MGAT4A: variants seen among roughly 807,000 people sequenced by gnomAD.
MGAT4A encodes N-acetylglucosaminyltransferase IVa.
Under a neutral mutation model 74.1 loss-of-function variants are expected in MGAT4A, and 33 were observed. The ratio of observed to expected loss-of-function variants is 0.45; its 90% CI spans 0.34 to 0.60. The LOEUF is 0.60. Ranked by LOEUF, MGAT4A falls within the 20% of genes least tolerant of loss-of-function variation. The pLI is 0.02. For synonymous variants in MGAT4A, 198 were observed against 210.4 expected, an observed-to-expected ratio of 0.94 and a Z score of 0.51; for missense variants, 479 against 628.3, an observed-to-expected ratio of 0.76 and a Z score of 2.54.
In MGAT4A at chr2:98,622,695, C is replaced by T; in HGVS notation, c.*2871G>A. On this transcript the variant is annotated 3_prime_UTR_variant, in exon 16 of 16. Transcript: ENST00000393487. ...ACTAACAGTGAGAGGCCCTGAGCAC[C>T]CACCATAGGAGAGGACAGATGAGCA... 1.0e-6 allele frequency: 1 copy of T among 985,636 alleles called. No individual in the cohort carries two copies. The highest frequency in any genetic ancestry group is 1.2e-6 in the Non-Finnish European group (1 of 830,118). The allele number at this position is 985,636 out of a possible 1,614,324, so 61.1% of individuals were successfully genotyped here.
intron 4 of MGAT4A, among the ~76,000 whole-genome samples, chr2:98,670,878 C>T (rs564397616): frequency 2.0e-5 from 3 of 152,304 alleles, no homozygotes; most frequent in Non-Finnish European, 4.4e-5. Flanking sequence ...TTAAATCTAA[C>T]TCAGATCTCT....
rs1401535515 is a variant in MGAT4A at position 98,624,425 on chromosome 2, A to C, written c.*1141T>G. 2 of 964,522 alleles carry C rather than the reference A, an allele frequency of 2.1e-6. No individual in the cohort carries two copies. The highest frequency in any genetic ancestry group is 2.5e-6 in the Non-Finnish European group (2 of 811,102). The allele number at this position is 964,522 out of a possible 1,614,324, so 59.7% of individuals were successfully genotyped here. On this transcript the variant is annotated 3_prime_UTR_variant, in exon 16 of 16. Transcript: ENST00000393487. Reference sequence around the variant, plus strand: ...TGGAATAGCGTGTTTAAGAGTAATAAATACAGTCTCTTGGACACGGGACTC... The same window carrying C: ...TGGAATAGCGTGTTTAAGAGTAATACATACAGTCTCTTGGACACGGGACTC...
intron 2 of MGAT4A, among the ~76,000 whole-genome samples, chr2:98,706,670 T>C (rs1301920234): frequency 2.0e-5 from 3 of 151,368 alleles, no homozygotes; most frequent in South Asian, 4.2e-4. Flanking sequence ...AGAATATACA[T>C]GGCATACTGC....
rs543374700 is a variant in MGAT4A at position 98,670,937 on chromosome 2, A to G, written c.403+4098T>C. ...TCCAACTGCCTACTCCAACATCTCC[A>G]CTGTGATATCTCAAAATCACCTCCA... On this transcript the variant is annotated intron_variant, in intron 4 of 15. Coordinates refer to ENST00000393487, the MANE Select transcript of MGAT4A (RefSeq NM_012214.3). Among the ~76,000 whole-genome samples the G allele has an allele frequency of 2.0e-5, 3 of 152,264 alleles. No homozygotes were observed. The East Asian group carries it at 5.8e-4, about 29-fold the overall frequency.
intron 2 of MGAT4A, among the ~76,000 whole-genome samples, chr2:98,702,803 A>C (rs1294008072): frequency 6.6e-6 from 1 of 152,374 alleles, no homozygotes; most frequent in South Asian, 2.1e-4. Context: ...TCAAAACGGA[A>C]GTACAGAGAC....
At chr2:98,658,174 T>C in intron 6 of MGAT4A, 44 bp downstream of exon 6, 1 of 1,306,580 alleles carries the variant, frequency 7.7e-7, no homozygotes, top group Admixed American at 2.0e-5. Flanking sequence ...CAAGAGATAA[T>C]AGTAACCAAA....
rs947706531 is a variant in MGAT4A, at chr2:98,619,253, A to G, written c.*6313T>C. 1.3e-5 allele frequency: 2 copies of G among 152,642 alleles called. No homozygotes were observed. The highest frequency in any genetic ancestry group is 2.4e-5 in the African/African-American group (1 of 41,456). 9.5% of individuals were successfully genotyped at this position (152,642 alleles called of 1,614,324 possible). A position where few individuals can be genotyped will look rare whatever the true frequency, so the allele number is the denominator to read the frequency against. ...AGGACCAGTTACTAGGTTTTCAATT[A>G]TAGCAGCAAATCTGAAAATAAATAA... On this transcript the variant is annotated 3_prime_UTR_variant, in exon 16 of 16. Transcript: ENST00000393487.
chr2:98,692,110 T>C (rs1441584924), intron 2 of MGAT4A, among the ~76,000 whole-genome samples: 1 of 152,218 alleles, frequency 6.6e-6, no homozygotes, highest in Non-Finnish European at 1.5e-5. Flanking sequence ...ATTAACATTT[T>C]TTGAGACAGG....
intron 13 of MGAT4A, 73 bp from the exon 14 acceptor site, chr2:98,635,361 T>TA (rs1701304295): frequency 9.1e-7 from 1 of 1,103,080 alleles, no homozygotes; most frequent in Non-Finnish European, 1.3e-6. Flanking sequence ...TATATCTTAA[T>TA]ATAGATGAAG....
At chr2:98,721,286 A>G (rs748452379) in intron 2 of MGAT4A, among the ~76,000 whole-genome samples, 3 of 152,246 alleles carry the variant, frequency 2.0e-5, no homozygotes, top group Non-Finnish European at 4.4e-5. Context: ...AAGAAACACT[A>G]AGGGAAATTC....
chr2:98,621,850 C>A lies in MGAT4A; in HGVS notation c.*3716G>T. ...GCTTATAGTTTTAAAAATAACAACACCTTCTAATTATTGACTAGTGCAACC... is the reference window on the plus strand; with the variant it reads ...GCTTATAGTTTTAAAAATAACAACAACTTCTAATTATTGACTAGTGCAACC... On this transcript the variant is annotated 3_prime_UTR_variant, in exon 16 of 16. Coordinates refer to ENST00000393487, the MANE Select transcript of MGAT4A (RefSeq NM_012214.3). The A allele has an allele frequency of 9.8e-7, 1 of 1,021,718 alleles. No individual in the cohort carries two copies. Among genetic ancestry groups the A allele is most frequent in the Non-Finnish European group, 1.2e-6 (1 of 853,268 alleles). The allele number at this position is 1,021,718 out of a possible 1,614,324, so 63.3% of individuals were successfully genotyped here. A position where few individuals can be genotyped will look rare whatever the true frequency, so the allele number is the denominator to read the frequency against.
At chr2:98,706,574 C>A (rs180926416) in intron 2 of MGAT4A, among the ~76,000 whole-genome samples, 2 of 151,088 alleles carry the variant, frequency 1.3e-5, no homozygotes, top group African/African-American at 4.9e-5. Context: ...ATGATCCACC[C>A]GCGTCGGCCT....
intron 2 of MGAT4A, among the ~76,000 whole-genome samples, chr2:98,700,196 A>G (rs1702333465): frequency 6.6e-6 from 1 of 152,058 alleles, no homozygotes; most frequent in Admixed American, 6.6e-5. Flanking sequence ...AGACCTCTCC[A>G]AAGGACCACT....
chr2:98,642,314 C>T (rs537097981), intron 10 of MGAT4A, among the ~76,000 whole-genome samples: 1 of 152,238 alleles, frequency 6.6e-6, no homozygotes, highest in African/African-American at 2.4e-5. Context: ...GGCCGAAGGG[C>T]CCAAGCACGC....
intron 2 of MGAT4A, among the ~76,000 whole-genome samples, chr2:98,699,995 G>C (rs1702329086): frequency 6.6e-6 from 1 of 152,130 alleles, no homozygotes; most frequent in Non-Finnish European, 1.5e-5. Flanking sequence ...TTTTCTGCAC[G>C]TGAGATAACA....
At chr2:98,631,045 T>C (rs72825720) in intron 14 of MGAT4A, among the ~76,000 whole-genome samples, 23,325 of 152,274 alleles carry the variant, frequency 0.15, 1,899 homozygotes, top group Middle Eastern at 0.22. Context: ...CCGCCATGCC[T>C]GACCAGTGGC....
chr2:98,728,744 G>GA (rs201051152), intron 1 of MGAT4A, among the ~76,000 whole-genome samples: 42,140 of 136,802 alleles, frequency 0.31, 7,238 homozygotes, highest in African/African-American at 0.5. Context: ...GACTCAGTTT[G>GA]AAAAAAAAAA....
At chr2:98,665,370 G>C (rs1370281498) in intron 4 of MGAT4A, among the ~76,000 whole-genome samples, 1 of 151,328 alleles carries the variant, frequency 6.6e-6, no homozygotes, top group East Asian at 1.9e-4. Flanking sequence ...TGCCAGAAGG[G>C]AGCGTAAAGA....
chr2:98,658,758 C>CTA (rs974109985), intron 5 of MGAT4A, among the ~76,000 whole-genome samples: 1 of 152,148 alleles, frequency 6.6e-6, no homozygotes, highest in Non-Finnish European at 1.5e-5. Flanking sequence ...TAATAAAAAA[C>CTA]TGCTATTATT....
Sources: allele counts gnomAD v4.1 joint callset (sites outside exome capture counted in the v4.1 genomes callset), GRCh38; gene constraint gnomAD v4.1.1; transcripts MANE v1.5; gene names NCBI Gene and HGNC (gene_info 2026-07-23, HGNC 2026-07-21).